Variants in MEAF6 observed in about 807,000 individuals in gnomAD.
MEAF6 encodes chromatin modification-related protein MEAF6.
MEAF6 carries 15 observed loss-of-function variants against 28.9 expected under a neutral mutation model. That is an observed-to-expected ratio of 0.52 (90% CI 0.35 to 0.80). MEAF6 has a LOEUF of 0.80. Ranked by LOEUF, MEAF6 falls within the 30% of genes least tolerant of loss-of-function variation. The pLI is 0.01. For synonymous variants in MEAF6, 97 were observed against 88.7 expected, an observed-to-expected ratio of 1.09 and a Z score of -0.53; for missense variants, 178 against 237.5, an observed-to-expected ratio of 0.75 and a Z score of 1.65.
intron 4 of MEAF6, among the ~76,000 whole-genome samples, chr1:37,505,604 G>A (rs1642455471): frequency 6.6e-6 from 1 of 152,156 alleles, no homozygotes; most frequent in Non-Finnish European, 1.5e-5. Flanking sequence ...CCTGCCTAGA[G>A]CTATGAAGCT....
chr1:37,512,435 C>T (rs1642698570), intron 2 of MEAF6, among the ~76,000 whole-genome samples: 5 of 152,142 alleles, frequency 3.3e-5, no homozygotes, highest in Admixed American at 3.3e-4. Context: ...AATGTCACAA[C>T]ACATTAACAA....
At chr1:37,510,470 C>T (rs1642633423) in intron 2 of MEAF6, among the ~76,000 whole-genome samples, 1 of 150,206 alleles carries the variant, frequency 6.7e-6, no homozygotes, top group Admixed American at 6.7e-5. Context: ...CAATCTCCAC[C>T]TTCTGCGTTC....
chr1:37,494,529 A>T (rs1026950541), intron 6 of MEAF6, among the ~76,000 whole-genome samples: 5 of 147,240 alleles, frequency 3.4e-5, no homozygotes, highest in Admixed American at 6.8e-5. Context: ...AAAAAAAAAA[A>T]AAAAAAAGAT....
chr1:37,495,730 ACC>A, intron 6 of MEAF6, 153 bp downstream of exon 6: 3 of 519,812 alleles, frequency 5.8e-6, no homozygotes, highest in South Asian at 3.0e-5. Context: ...CAAAAAAACC[ACC>A]TAAAAGTTGA....
In MEAF6 at chr1:37,514,562, G is replaced by A. The variant is rs1358392661; in HGVS notation, c.90+95C>T. ...ACCCGGCCCGCCGCGCCGCGCCCCC[G>A]GAGTAACAAACGGCCTAGCGCGGCC... On this transcript the variant is annotated intron_variant, in intron 1 of 6. Transcript: ENST00000296214. 7 of 923,988 alleles carry A rather than the reference G, an allele frequency of 7.6e-6. No homozygotes were observed. In the East Asian group the frequency reaches 1.5e-4, roughly 20 times the overall value. The allele number at this position is 923,988 out of a possible 1,614,324, so 57.2% of individuals were successfully genotyped here. A position where few individuals can be genotyped will look rare whatever the true frequency, so the allele number is the denominator to read the frequency against.
At chr1:37,505,492 T>C (rs1449730401) in intron 4 of MEAF6, among the ~76,000 whole-genome samples, 1 of 152,236 alleles carries the variant, frequency 6.6e-6, no homozygotes, top group African/African-American at 2.4e-5. Flanking sequence ...TTTTTGTGAT[T>C]TTTTGTTCTT....
At chr1:37,507,755 G>A (rs992573985) in intron 4 of MEAF6, among the ~76,000 whole-genome samples, 1 of 151,712 alleles carries the variant, frequency 6.6e-6, no homozygotes, top group African/African-American at 2.4e-5. Flanking sequence ...CCCCTAGAAA[G>A]CGGAGGTTGC....
At position 37,513,015 on chromosome 1, in the gene MEAF6, C is replaced by T. The variant is rs183965620; in HGVS notation, c.206+408G>A. The stretch of plus-strand genomic sequence containing the variant: ...GACCAGCCAGGCCAACATGGAGAAA[C>T]CTCGTCTCTACTAAAAATAAAAAAA... On this transcript the variant is annotated intron_variant, in intron 2 of 6. Transcript: ENST00000296214. Among the ~76,000 whole-genome samples the T allele has an allele frequency of 2.7e-3, 410 of 152,062 alleles. 1 individual carries two copies. Among genetic ancestry groups the T allele is most frequent in the Non-Finnish European group, 4.3e-3 (290 of 67,976 alleles).
intron 5 of MEAF6, 28 bp from the exon 6 acceptor site, chr1:37,495,946 C>T: frequency 6.2e-7 from 1 of 1,604,850 alleles, no homozygotes; most frequent in Non-Finnish European, 8.5e-7. Context: ...AAAGATATTT[C>T]CATTTTAATT....
Position 37,514,718 on chromosome 1 carries a change from G to A in MEAF6, c.29C>T (p.Pro10Leu), listed in dbSNP as rs752440894. 7 of 1,536,594 alleles carry A rather than the reference G, an allele frequency of 4.6e-6. No individual in the cohort carries two copies. Among genetic ancestry groups the A allele is most frequent in the Non-Finnish European group, 6.1e-6 (7 of 1,146,950 alleles). The part of the protein sequence containing the change: MAMHNKAAP[P>L]QIPDTRRELA... Reference sequence around the variant, plus strand: ...CTCCCGCCGGGTGTCCGGGATCTGCGGCGGCGCCGCCTTGTTGTGCATCGC... The same window carrying A: ...CTCCCGCCGGGTGTCCGGGATCTGCAGCGGCGCCGCCTTGTTGTGCATCGC... The change falls in exon 1 of 7, where the codon CCG becomes CTG. Residue 10 changes from proline to leucine, a missense_variant. Pro to Leu is a moderately conservative substitution (Grantham distance 98, BLOSUM62 -3). Coordinates refer to ENST00000296214, the MANE Select transcript of MEAF6 (RefSeq NM_001270875.3).
At chr1:37,495,623 T>C (rs182428467) in intron 6 of MEAF6, among the ~76,000 whole-genome samples, 2 of 133,286 alleles carry the variant, frequency 1.5e-5, no homozygotes, top group South Asian at 2.3e-4. Context: ...AAGGCCACAG[T>C]GAACTGTGAC....
At chr1:37,497,500 G>A (rs902257669) in intron 5 of MEAF6, among the ~76,000 whole-genome samples, 1 of 152,150 alleles carries the variant, frequency 6.6e-6, no homozygotes, top group African/African-American at 2.4e-5. Context: ...GTATTGCTCT[G>A]CCACCTAAGT....
At chr1:37,499,560 A>C (rs981365609) in intron 5 of MEAF6, among the ~76,000 whole-genome samples, 4 of 152,204 alleles carry the variant, frequency 2.6e-5, no homozygotes, top group African/African-American at 9.7e-5. Flanking sequence ...AAAGGAAACA[A>C]ATCAGCTTCA....
chr1:37,503,658 CAAAAAAAAAAAAAAA>C (rs773565571), intron 4 of MEAF6, among the ~76,000 whole-genome samples: 32 of 47,958 alleles, frequency 6.7e-4, no homozygotes, highest in African/African-American at 2.1e-3. Context: ...AAGACTGTCT[CAAAAAAAAAAAAAAA>C]AAAAAAAAGG....
Position 37,514,764 on chromosome 1 carries a change from G to C in MEAF6, c.-18C>G, listed in dbSNP as rs756821703. The C allele has an allele frequency of 2.1e-6, 3 of 1,435,748 alleles. No individual in the cohort carries two copies. The highest frequency in any genetic ancestry group is 2.7e-6 in the Non-Finnish European group (3 of 1,093,502). 88.9% of individuals were successfully genotyped at this position (1,435,748 alleles called of 1,614,324 possible). A position where few individuals can be genotyped will look rare whatever the true frequency, so the allele number is the denominator to read the frequency against. Reference sequence around the variant, plus strand: ...ATCGCCATGTTGGGCTGAGGCGGGCGGCGGCGGCGCGAGGTTGGGGGCGGT... The same window carrying C: ...ATCGCCATGTTGGGCTGAGGCGGGCCGCGGCGGCGCGAGGTTGGGGGCGGT... On this transcript the variant is annotated 5_prime_UTR_variant, in exon 1 of 7. Coordinates refer to ENST00000296214, the MANE Select transcript of MEAF6 (RefSeq NM_001270875.3).
At chr1:37,508,057 T>A (rs1034022542) in intron 4 of MEAF6, among the ~76,000 whole-genome samples, 1 of 152,094 alleles carries the variant, frequency 6.6e-6, no homozygotes, top group Non-Finnish European at 1.5e-5. Flanking sequence ...AGGTCGTATT[T>A]CAAGGTGATG....
intron 2 of MEAF6, among the ~76,000 whole-genome samples, 170 bp from the exon 3 acceptor site, chr1:37,509,712 C>T (rs1448163899): frequency 6.6e-6 from 1 of 152,110 alleles, no homozygotes; most frequent in Non-Finnish European, 1.5e-5. Context: ...TGGTACATGT[C>T]CCACTGTGAG....
intron 6 of MEAF6, among the ~76,000 whole-genome samples, 178 bp downstream of exon 6, chr1:37,495,707 A>C (rs200110144): frequency 0.33 from 32,000 of 97,994 alleles, 4,239 homozygotes; most frequent in East Asian, 0.45. Flanking sequence ...CAAAAAACAA[A>C]AAAAAAAAAA....
In MEAF6 at chr1:37,491,684, G is replaced by A. The variant is rs1266029881; in HGVS notation, c.*2415C>T. Among the ~76,000 whole-genome samples the A allele has an allele frequency of 1.3e-5, 2 of 149,274 alleles. No homozygotes were observed. The highest frequency in any genetic ancestry group is 4.9e-5 in the African/African-American group (2 of 40,794). ...GCTGCACTCCAGCCTGGGTGACAGAGCAAGATCCTGTCAATAAATAAATAA... is the reference window on the plus strand; with the variant it reads ...GCTGCACTCCAGCCTGGGTGACAGAACAAGATCCTGTCAATAAATAAATAA... On this transcript the variant is annotated 3_prime_UTR_variant, in exon 7 of 7. Transcript: ENST00000296214.
Sources: gnomAD v4.1 joint callset for allele counts (sites outside exome capture counted in the v4.1 genomes callset) on GRCh38, gnomAD v4.1.1 for gene constraint, MANE v1.5 for transcripts, NCBI Gene and HGNC (gene_info 2026-07-23, HGNC 2026-07-21) for gene names.